PGAP2: variants seen among roughly 807,000 people sequenced by gnomAD.
The protein encoded by PGAP2 is post-GPI attachment to proteins 2.
Under a neutral mutation model 33.2 loss-of-function variants are expected in PGAP2, and 21 were observed. That is an observed-to-expected ratio of 0.63 (90% CI 0.45 to 0.91). The LOEUF (loss-of-function observed/expected upper bound fraction) is 0.91, where lower values mean the gene tolerates loss of function less well. Ranked by LOEUF, PGAP2 falls within the 40% of genes least tolerant of loss-of-function variation. The pLI is 0.00. For missense variants in PGAP2, 345 were observed against 424.0 expected, an observed-to-expected ratio of 0.81 and a Z score of 1.64; for synonymous variants, 161 against 172.9, an observed-to-expected ratio of 0.93 and a Z score of 0.54.
intron 2 of PGAP2, among the ~76,000 whole-genome samples, chr11:3,814,780 C>CT (rs1200898302): frequency 1.9e-5 from 2 of 106,304 alleles, no homozygotes; most frequent in Non-Finnish European, 4.5e-5. Context: ...TTCTTTCTTT[C>CT]TTTCTTTCTT....
intron 2 of PGAP2, chr11:3,816,347 T>G (rs1273621449): frequency 6.6e-6 from 1 of 152,554 alleles, no homozygotes; most frequent in Non-Finnish European, 1.5e-5. Flanking sequence ...TCCTAGGCCT[T>G]TTAATATCAA....
intron 3 of PGAP2, among the ~76,000 whole-genome samples, chr11:3,819,662 C>T (rs1200393469): frequency 1.3e-5 from 2 of 151,930 alleles, no homozygotes; most frequent in Admixed American, 6.6e-5. Flanking sequence ...AAGGGCTTAT[C>T]CTCCCGTCTC....
intron 1 of PGAP2, among the ~76,000 whole-genome samples, chr11:3,809,466 G>C (rs919207429): frequency 3.3e-4 from 50 of 152,228 alleles, no homozygotes; most frequent in African/African-American, 1.2e-3. Flanking sequence ...AATTGGAATG[G>C]ATTATCCCTT....
chr11:3,825,075 T>C lies in PGAP2; in HGVS notation c.764T>C (p.Phe255Ser), dbSNP rs773639534. 14 of 1,614,012 alleles carry C rather than the reference T, an allele frequency of 8.7e-6. No individual in the cohort carries two copies. The highest frequency in any genetic ancestry group is 2.2e-5 in the East Asian group (1 of 44,892). The stretch of plus-strand genomic sequence containing the variant: ...CTCTTCATCATCAACTTCATCTCCT[T>C]CTTCTCGGCGCTGGCTGTCTACTTT... ...QRLFIINFIS[F>S]FSALAVYFRH... The change falls in exon 6 of 7, where the codon TTC becomes TCC. Residue 255 changes from phenylalanine (F) to serine (S), a missense_variant. By Grantham distance (155) the Phe-to-Ser change is radical (BLOSUM62 -2). Around this residue, in one of 2 missense-constraint regions of PGAP2, gnomAD observed 311 missense variants for 353.6 expected, o/e 0.88. Transcript: ENST00000278243.
intron 1 of PGAP2, among the ~76,000 whole-genome samples, chr11:3,809,800 G>C (rs1254486411): frequency 6.6e-6 from 1 of 152,232 alleles, no homozygotes; most frequent in African/African-American, 2.4e-5. Context: ...AGAGGAACTT[G>C]AGCAATTGGA....
At chr11:3,802,361 G>T (rs1167589902) in intron 1 of PGAP2, among the ~76,000 whole-genome samples, 3 of 152,156 alleles carry the variant, frequency 2.0e-5, no homozygotes, top group East Asian at 1.9e-4. Flanking sequence ...GAAGCCAGGG[G>T]TTCCTTCCCA....
Position 3,811,460 on chromosome 11 carries a change from C to T in PGAP2, c.165+36C>T, listed in dbSNP as rs751312576. 3.9e-5 allele frequency: 62 copies of T among 1,573,026 alleles called. 1 individual carries two copies. The highest frequency in any genetic ancestry group is 1.7e-4 in the South Asian group (15 of 88,498). Reference sequence around the variant, plus strand: ...GGGACACTGATACCTCATATTCAGGCCGATCTGGATCTTCTTTAGATCTTG... The same window carrying T: ...GGGACACTGATACCTCATATTCAGGTCGATCTGGATCTTCTTTAGATCTTG... On this transcript the variant is annotated intron_variant, in intron 2 of 6. Transcript: ENST00000278243. This position sits in a 1 kb window ranked among gnomAD's most constrained non-coding sequence, Gnocchi z 4.6.
intron 3 of PGAP2, among the ~76,000 whole-genome samples, chr11:3,819,700 G>C (rs542273205): frequency 2.0e-5 from 3 of 152,206 alleles, no homozygotes; most frequent in African/African-American, 7.2e-5. Context: ...GGGCACATGG[G>C]GAAGTTTGGG....
At chr11:3,822,765 TG>T in intron 3 of PGAP2, 1 of 514,142 alleles carries the variant, frequency 1.9e-6, no homozygotes, top group Non-Finnish European at 3.5e-6. Context: ...CTCTAGGCCC[TG>T]GAGTCTAAGA....
chr11:3,804,383 A>G (rs764310606), upstream of PGAP2, among the ~76,000 whole-genome samples: 1 of 152,128 alleles, frequency 6.6e-6, no homozygotes, highest in African/African-American at 2.4e-5. Context: ...AAAGCCATCC[A>G]GGAAGGATGT....
In PGAP2 at chr11:3,823,888, C is replaced by A. The variant is rs760696120; in HGVS notation, c.354C>A (p.Pro118=). ...EYTVATDCGV[P]NYLPSVSSAI... ...GACAGGTCACAACTCTCTAGGTGCCCAATTACCTGCCCTCGGTGAGCTCAG... is the reference window on the plus strand; with the variant it reads ...GACAGGTCACAACTCTCTAGGTGCCAAATTACCTGCCCTCGGTGAGCTCAG... Residue 118 remains proline (P), a synonymous_variant, in exon 4 of 7, where the codon CCC becomes CCA. Coordinates refer to ENST00000278243, the MANE Select transcript of PGAP2 (RefSeq NM_014489.4). 4 of 1,602,918 alleles carry A rather than the reference C, an allele frequency of 2.5e-6. No individual in the cohort carries two copies. The highest frequency in any genetic ancestry group is 2.5e-6 in the Non-Finnish European group (3 of 1,179,878).
At chr11:3,812,912 G>A (rs1301081580) in intron 2 of PGAP2, among the ~76,000 whole-genome samples, 3 of 152,162 alleles carry the variant, frequency 2.0e-5, no homozygotes, top group Non-Finnish European at 4.4e-5. Flanking sequence ...CGAAAAGGGC[G>A]AACAGGCGAT....
chr11:3,809,709 C>T (rs1228746572), intron 1 of PGAP2, among the ~76,000 whole-genome samples: 1 of 152,154 alleles, frequency 6.6e-6, no homozygotes, highest in Non-Finnish European at 1.5e-5. Flanking sequence ...TAGGGATGAT[C>T]CAGGGAATGT....
At chr11:3,802,863 T>G (rs536622787) in intron 1 of PGAP2, among the ~76,000 whole-genome samples, 1,952 of 149,936 alleles carry the variant, frequency 0.013, 29 homozygotes, top group Middle Eastern at 0.024. Context: ...GACTGGCTCT[T>G]TTGCCTAGGC....
intron 3 of PGAP2, among the ~76,000 whole-genome samples, chr11:3,822,725 G>GT (rs1246614421): frequency 1.3e-5 from 2 of 152,202 alleles, no homozygotes; most frequent in African/African-American, 2.4e-5. Flanking sequence ...CCAGTGAGTT[G>GT]TATGGGTAAT....
upstream of PGAP2, chr11:3,808,298 A>T (rs1209759684): frequency 6.4e-7 from 1 of 1,551,418 alleles, no homozygotes. Flanking sequence ...CAACAGGTAG[A>T]TGGAACGCAG....
At chr11:3,810,947 C>T (rs1301512013) in intron 1 of PGAP2, among the ~76,000 whole-genome samples, 5 of 152,168 alleles carry the variant, frequency 3.3e-5, no homozygotes, top group Non-Finnish European at 5.9e-5. Flanking sequence ...CTTCTCTAGT[C>T]CTAGGCCTGT....
intron 5 of PGAP2, 174 bp downstream of exon 5, chr11:3,824,550 A>T: frequency 1.1e-6 from 1 of 941,554 alleles, no homozygotes; most frequent in South Asian, 1.5e-5. Flanking sequence ...GTTGGTCAGA[A>T]TCTAGGACTA....
intron 3 of PGAP2, among the ~76,000 whole-genome samples, chr11:3,822,712 C>T (rs1313811590): frequency 6.6e-6 from 1 of 152,194 alleles, no homozygotes; most frequent in Non-Finnish European, 1.5e-5. Flanking sequence ...TCAAACAATT[C>T]CCCCAGTGAG....
Sources: allele counts gnomAD v4.1 joint callset (sites outside exome capture counted in the v4.1 genomes callset), GRCh38; gene constraint gnomAD v4.1.1; regional missense constraint gnomAD v4.1.1; non-coding constraint Gnocchi (gnomAD v3.1); transcripts MANE v1.5; gene names NCBI Gene and HGNC (gene_info 2026-07-23, HGNC 2026-07-21).